Variants in SGCD observed in about 807,000 individuals in gnomAD.
SGCD encodes the protein delta-sarcoglycan.
In SGCD, 18 loss-of-function variants were observed where a neutral mutation model predicts 36.6. The ratio of observed to expected loss-of-function variants is 0.49; its 90% CI spans 0.34 to 0.73. SGCD has a LOEUF of 0.73. SGCD is among the 30% of genes least tolerant of loss of function. The probability of loss-of-function intolerance (pLI) is 0.01; values close to 1 mark genes in which losing one functional copy is unlikely to be tolerated. For missense variants in SGCD, 387 were observed against 346.7 expected, an observed-to-expected ratio of 1.12 and a Z score of -0.92; for synonymous variants, 133 against 130.6, an observed-to-expected ratio of 1.02 and a Z score of -0.12.
At chr5:156,125,843 TTATTATTATTATTA>T (rs1561530102) in intron 3 of SGCD, among the ~76,000 whole-genome samples, 11 of 22,170 alleles carry the variant, frequency 5.0e-4, no homozygotes, top group Non-Finnish European at 5.1e-4. Flanking sequence ...CATTCTTTTA[TTATTATTATTATTA>T]TTATTATTAT....
At chr5:156,435,702 A>G (rs1315913030) in intron 3 of SGCD, among the ~76,000 whole-genome samples, 1 of 152,198 alleles carries the variant, frequency 6.6e-6, no homozygotes, top group Non-Finnish European at 1.5e-5. Flanking sequence ...TCCTGAGTCC[A>G]TGTATGCTAA....
chr5:156,545,514 A>T (rs1038307887), intron 4 of SGCD, among the ~76,000 whole-genome samples: 1 of 152,018 alleles, frequency 6.6e-6, no homozygotes, highest in African/African-American at 2.4e-5. Flanking sequence ...ATGGTTTCAG[A>T]ATGAAACTTT....
chr5:156,717,110 T>C (rs1273094932), intron 7 of SGCD, among the ~76,000 whole-genome samples: 3 of 152,220 alleles, frequency 2.0e-5, no homozygotes, highest in Non-Finnish European at 2.9e-5. Flanking sequence ...GGGCACCAGA[T>C]GGTGAGCAAA....
intron 7 of SGCD, among the ~76,000 whole-genome samples, chr5:156,697,659 C>T (rs1208189347): frequency 6.6e-6 from 1 of 152,150 alleles, no homozygotes; most frequent in Non-Finnish European, 1.5e-5. Flanking sequence ...TGCCTCCTTA[C>T]TGGTCTGTGA....
the SGCD span, among the ~76,000 whole-genome samples, chr5:155,727,935 G>A: frequency 6.6e-6 from 1 of 152,174 alleles, no homozygotes; most frequent in Non-Finnish European, 1.5e-5. Context: ...CTAGAAACCT[G>A]TCCCCTTGGC....
rs537879087 is a variant in SGCD at position 156,146,099 on chromosome 5, G to C, written c.-44+22080G>C. ...GTAGTTGTGGGCGCCTGTAGTCCCA[G>C]CTACTCGGGAGGCTGAGACAGGAGA... On this transcript the variant is annotated intron_variant, in intron 3 of 9. Coordinates refer to the SGCD transcript ENST00000517913. 3.9e-5 allele frequency among the ~76,000 whole-genome samples: 6 copies of C among 152,262 alleles called. No individual in the cohort carries two copies. In the East Asian group the frequency reaches 9.6e-4, roughly 24 times the overall value.
chr5:156,236,137 T>C (rs914481423), intron 3 of SGCD, among the ~76,000 whole-genome samples: 18 of 152,234 alleles, frequency 1.2e-4, no homozygotes, highest in African/African-American at 3.9e-4. Flanking sequence ...TCCCCCATTC[T>C]ATCAGACATT....
intron 1 of SGCD, among the ~76,000 whole-genome samples, chr5:155,931,617 C>G (rs897811059): frequency 6.6e-6 from 1 of 152,146 alleles, no homozygotes; most frequent in Admixed American, 6.5e-5. Context: ...CCCACTAATA[C>G]ATTTTCTTAA....
intron 7 of SGCD, among the ~76,000 whole-genome samples, chr5:156,652,402 T>TCCCAA (rs1763495932): frequency 6.6e-6 from 1 of 152,140 alleles, no homozygotes; most frequent in Non-Finnish European, 1.5e-5. Flanking sequence ...GGCATGAGGA[T>TCCCAA]GGCTTGAGCC....
At chr5:156,671,303 C>T (rs188207781) in intron 7 of SGCD, among the ~76,000 whole-genome samples, 386 of 141,620 alleles carry the variant, frequency 2.7e-3, no homozygotes, top group African/African-American at 9.4e-3. Context: ...GACAGAGTCT[C>T]GCTCTGTCAC....
At chr5:156,260,735 C>T (rs1765837261) in intron 3 of SGCD, among the ~76,000 whole-genome samples, 1 of 152,106 alleles carries the variant, frequency 6.6e-6, no homozygotes, top group Non-Finnish European at 1.5e-5. Context: ...AATAGAAGCA[C>T]TGAGAATAAA....
At chr5:156,350,137 G>A (rs980168623) in intron 3 of SGCD, among the ~76,000 whole-genome samples, 1 of 151,232 alleles carries the variant, frequency 6.6e-6, no homozygotes, top group Non-Finnish European at 1.5e-5. Flanking sequence ...GTTGGGTAGA[G>A]TATACAGTAC....
chr5:156,304,315 G>A (rs1207305411), intron 3 of SGCD, among the ~76,000 whole-genome samples: 1 of 152,158 alleles, frequency 6.6e-6, no homozygotes. Flanking sequence ...CCCGGTGGGA[G>A]GTAATTGAAT....
intron 3 of SGCD, among the ~76,000 whole-genome samples, chr5:156,385,764 C>T (rs752915682): frequency 5.3e-5 from 8 of 152,172 alleles, no homozygotes; most frequent in African/African-American, 1.7e-4. Flanking sequence ...CAGAGCTTTA[C>T]GTGCTCAGAG....
At chr5:156,168,548 C>T (rs907100449) in intron 3 of SGCD, among the ~76,000 whole-genome samples, 6 of 152,166 alleles carry the variant, frequency 3.9e-5, no homozygotes, top group Admixed American at 6.5e-5. Context: ...GCACTCCAGC[C>T]GAAGTAATGC....
intron 1 of SGCD, among the ~76,000 whole-genome samples, chr5:156,018,139 C>T (rs1040494445): frequency 4.6e-5 from 7 of 152,184 alleles, no homozygotes; most frequent in African/African-American, 7.2e-5. Context: ...CTGAGCAACA[C>T]GGTGAGACCC....
At chr5:155,786,058 T>C in the SGCD span, among the ~76,000 whole-genome samples, 1 of 152,208 alleles carries the variant, frequency 6.6e-6, no homozygotes, top group African/African-American at 2.4e-5. Context: ...ATATTTTCTC[T>C]CTAACTGTGC....
intron 7 of SGCD, among the ~76,000 whole-genome samples, chr5:156,722,229 C>T (rs995777256): frequency 2.0e-5 from 3 of 152,166 alleles, no homozygotes; most frequent in African/African-American, 7.2e-5. Flanking sequence ...TTAGCCTCTC[C>T]TCTCAAATTG....
intron 3 of SGCD, among the ~76,000 whole-genome samples, chr5:156,355,473 CTG>C (rs1304192458): frequency 4.0e-5 from 6 of 151,132 alleles, no homozygotes; most frequent in African/African-American, 1.2e-4. Flanking sequence ...AGTTCTGAGA[CTG>C]TGCTAGATTT....
Sources: gnomAD v4.1 joint callset for allele counts (sites outside exome capture counted in the v4.1 genomes callset) on GRCh38, gnomAD v4.1.1 for gene constraint, MANE v1.5 for transcripts, NCBI Gene and HGNC (gene_info 2026-07-23, HGNC 2026-07-21) for gene names.